Variants in COBL observed in about 807,000 individuals in gnomAD.
The protein encoded by COBL is cordon-bleu WH2 repeat protein.
A neutral mutation model predicts 98.8 loss-of-function variants in COBL; 51 were observed. That is an observed-to-expected ratio of 0.52 (90% CI 0.41 to 0.65). The LOEUF (loss-of-function observed/expected upper bound fraction) is 0.65, where lower values mean the gene tolerates loss of function less well. Ranked by LOEUF, COBL falls within the 30% of genes least tolerant of loss-of-function variation. The pLI, the probability that COBL is intolerant of heterozygous loss-of-function variation, is 0.00. For synonymous variants in COBL, 634 were observed against 651.7 expected (o/e 0.97, Z 0.41); for missense variants, 1,617 against 1,617.5 (o/e 1.00, Z 0.01).
At chr7:51,018,915 T>TATATAC (rs1786620523) in intron 12 of COBL, among the ~76,000 whole-genome samples, 1 of 13,636 alleles carries the variant, frequency 7.3e-5, no homozygotes, top group African/African-American at 2.7e-4. Flanking sequence ...AATATATATA[T>TATATAC]ATATATATAT....
chr7:51,202,199 T>C (rs1312778823), intron 2 of COBL, among the ~76,000 whole-genome samples: 1 of 152,082 alleles, frequency 6.6e-6, no homozygotes, highest in Non-Finnish European at 1.5e-5. Context: ...TAAAAGTTCC[T>C]GACTTAATAA....
chr7:51,145,263 G>A (rs754900259), intron 5 of COBL, among the ~76,000 whole-genome samples: 2 of 152,078 alleles, frequency 1.3e-5, no homozygotes, highest in East Asian at 1.9e-4. Flanking sequence ...TGATCAGCCC[G>A]CCTCAGCCTC....
intron 8 of COBL, among the ~76,000 whole-genome samples, chr7:51,036,822 TGACAC>T (rs1788694792): frequency 6.6e-6 from 1 of 152,200 alleles, no homozygotes; most frequent in Admixed American, 6.5e-5. Flanking sequence ...AGAAAAAGCC[TGACAC>T]CCACTTATTC....
In COBL at chr7:51,027,715, G is replaced by A; in HGVS notation, c.3381C>T (p.Arg1127=). The change falls in exon 10 of 13, where the codon CGC becomes CGT. Residue 1127 remains arginine (R), a synonymous_variant. Coordinates refer to ENST00000265136, the MANE Select transcript of COBL (RefSeq NM_015198.5). ...CCCCGGAAGCCGCCATCCTCACCTT[G>A]CGTAGTCTGTCCTTCCCTCCCGCAG... The part of the protein sequence containing the change: ...IHSAGGKDRL[R]KTAEHTGEGR... 1 of 1,611,302 alleles carries A rather than the reference G, an allele frequency of 6.2e-7. No homozygotes were observed. Among genetic ancestry groups the A allele is most frequent in the Non-Finnish European group, 8.5e-7 (1 of 1,178,334 alleles).
intron 8 of COBL, among the ~76,000 whole-genome samples, chr7:51,039,796 C>T (rs1354003194): frequency 1.3e-5 from 2 of 152,160 alleles, no homozygotes; most frequent in Non-Finnish European, 2.9e-5. Context: ...ATATGTGTTC[C>T]GTTTCACCCT....
intron 8 of COBL, among the ~76,000 whole-genome samples, chr7:51,042,757 A>C (rs1475911104): frequency 6.6e-6 from 1 of 152,260 alleles, no homozygotes; most frequent in Admixed American, 6.5e-5. Context: ...CAAGATGCTC[A>C]TCCTTCCTAA....
intron 5 of COBL, among the ~76,000 whole-genome samples, chr7:51,151,575 G>T (rs184032997): frequency 5.3e-4 from 81 of 152,322 alleles, no homozygotes; most frequent in Middle Eastern, 6.8e-3. Context: ...ACCATTCAGA[G>T]TATATCCTTC....
intron 5 of COBL, among the ~76,000 whole-genome samples, chr7:51,174,499 G>T (rs544455015): frequency 4.3e-4 from 66 of 152,218 alleles, no homozygotes; most frequent in African/African-American, 1.5e-3. Context: ...AAGGTATAGA[G>T]AAATGAAAAA....
chr7:51,313,335 A>T (rs1315970631), intron 1 of COBL, among the ~76,000 whole-genome samples: 1 of 152,202 alleles, frequency 6.6e-6, no homozygotes, highest in Non-Finnish European at 1.5e-5. Flanking sequence ...GGCCTTCTAC[A>T]CTTAATACTA....
At chr7:51,207,798 C>T (rs575626868) in intron 2 of COBL, among the ~76,000 whole-genome samples, 8 of 146,658 alleles carry the variant, frequency 5.5e-5, no homozygotes, top group Admixed American at 2.1e-4. Context: ...ACCTCCCAGC[C>T]GCCTGCCTTG....
rs763523295 is a variant in COBL at position 51,029,587 on chromosome 7, C to T, written c.1509G>A (p.Met503Ile). The T allele has an allele frequency of 1.3e-6, 2 of 1,585,980 alleles. No individual in the cohort carries two copies. Among genetic ancestry groups the T allele is most frequent in the Non-Finnish European group, 1.7e-6 (2 of 1,160,700 alleles). Reference protein sequence around the residue: ...LAELDEDLEEMEDSYETDTSS... With the variant: ...LAELDEDLEEIEDSYETDTSS... ...TGGTGTCTGTTTCATAGCTGTCTTC[C>T]ATTTCTGCAAAGAGGGACAAACACA... The change falls in exon 10 of 13, where the codon ATG (methionine) becomes ATA (isoleucine). Residue 503 changes from methionine (M) to isoleucine (I), a missense_variant. Met to Ile is a conservative substitution (Grantham distance 10). Coordinates refer to ENST00000265136, the MANE Select transcript of COBL (RefSeq NM_015198.5).
chr7:51,078,620 G>C (rs1338360881), intron 7 of COBL, among the ~76,000 whole-genome samples: 1 of 152,252 alleles, frequency 6.6e-6, no homozygotes, highest in African/African-American at 2.4e-5. Context: ...GCTTAAAACA[G>C]TAAGCATTGA....
At chr7:51,116,496 T>C (rs769105824) in intron 6 of COBL, among the ~76,000 whole-genome samples, 3 of 152,156 alleles carry the variant, frequency 2.0e-5, no homozygotes, top group Admixed American at 6.5e-5. Context: ...ATTACACTTA[T>C]AGAGATTATA....
At chr7:51,142,594 G>A (rs1041086187) in intron 5 of COBL, among the ~76,000 whole-genome samples, 1 of 152,012 alleles carries the variant, frequency 6.6e-6, no homozygotes, top group Non-Finnish European at 1.5e-5. Flanking sequence ...ATCTTGGAAA[G>A]GCTGGTCTCG....
At chr7:51,228,663 G>A (rs1434139771) in intron 1 of COBL, among the ~76,000 whole-genome samples, 3 of 151,946 alleles carry the variant, frequency 2.0e-5, no homozygotes, top group Non-Finnish European at 4.4e-5. Flanking sequence ...TAAACTCCAG[G>A]GCCTGTAGAT....
chr7:51,061,026 C>T (rs913731385), intron 7 of COBL, among the ~76,000 whole-genome samples: 2 of 152,202 alleles, frequency 1.3e-5, no homozygotes, highest in African/African-American at 4.8e-5. Flanking sequence ...GGTAGTACCA[C>T]TAATGGCCCA....
In COBL at chr7:51,271,944, G is replaced by A. The variant is rs191485680; in HGVS notation, c.41+44649C>T. 1.0e-3 allele frequency among the ~76,000 whole-genome samples: 159 copies of A among 152,212 alleles called. 1 individual carries two copies. Among genetic ancestry groups the A allele is most frequent in the African/African-American group, 3.7e-3 (152 of 41,518 alleles). ...CTCGGGAGGCTGAGGCAGGAGAATC[G>A]CTTGAACCCAGGAGACAGAGGCTAC... On this transcript the variant is annotated intron_variant, in intron 1 of 12. Transcript: ENST00000265136.
intron 12 of COBL, among the ~76,000 whole-genome samples, chr7:51,024,048 G>A (rs183307852): frequency 7.9e-5 from 12 of 152,276 alleles, no homozygotes; most frequent in African/African-American, 2.6e-4. Context: ...AGTGGCTCAC[G>A]CCTGTAATCC....
intron 5 of COBL, among the ~76,000 whole-genome samples, chr7:51,181,764 T>A (rs1407806842): frequency 1.3e-5 from 2 of 152,176 alleles, no homozygotes; most frequent in Non-Finnish European, 2.9e-5. Context: ...CACTGCTGTG[T>A]CGACAATGGT....
Sources: gnomAD v4.1 joint callset for allele counts (sites outside exome capture counted in the v4.1 genomes callset) on GRCh38, gnomAD v4.1.1 for gene constraint, MANE v1.5 for transcripts, NCBI Gene and HGNC (gene_info 2026-07-23, HGNC 2026-07-21) for gene names.